GRID2: variants seen among roughly 807,000 people sequenced by gnomAD.
The protein encoded by GRID2 is glutamate receptor ionotropic, delta-2.
A neutral mutation model predicts 114.8 loss-of-function variants in GRID2; 33 were observed. The observed-to-expected ratio is 0.29, with a 90% CI of 0.22 to 0.38. The LOEUF (loss-of-function observed/expected upper bound fraction) is 0.38. GRID2 is among the 10% of genes least tolerant of loss of function. The pLI is 1.00. For synonymous variants in GRID2, 505 were observed against 449.9 expected (o/e 1.12, Z -1.55); for missense variants, 1,184 against 1,257.7 (o/e 0.94, Z 0.89).
intron 13 of GRID2, among the ~76,000 whole-genome samples, chr4:93,617,446 C>T (rs1741790903): frequency 6.6e-6 from 1 of 152,196 alleles, no homozygotes; most frequent in African/African-American, 2.4e-5. Flanking sequence ...TGTGTTTTTA[C>T]ATCGTTTTCC....
At chr4:92,547,812 A>G (rs995199639) in intron 1 of GRID2, among the ~76,000 whole-genome samples, 3 of 152,310 alleles carry the variant, frequency 2.0e-5, no homozygotes, top group Non-Finnish European at 2.9e-5. Flanking sequence ...GGAAACCTCA[A>G]TGGAAGCAAC....
chr4:93,312,002 A>G (rs1756070639), intron 8 of GRID2, among the ~76,000 whole-genome samples: 1 of 152,134 alleles, frequency 6.6e-6, no homozygotes. Flanking sequence ...GAGAAGTAAA[A>G]TTTTTAGGCA....
At chr4:93,428,892 T>G (rs1448518862) in intron 10 of GRID2, among the ~76,000 whole-genome samples, 1 of 152,190 alleles carries the variant, frequency 6.6e-6, no homozygotes, top group Non-Finnish European at 1.5e-5. Context: ...TATTGTGGGT[T>G]GATCACAAAG....
intron 2 of GRID2, among the ~76,000 whole-genome samples, chr4:92,719,144 G>A (rs552001935): frequency 6.6e-6 from 1 of 151,858 alleles, no homozygotes; most frequent in African/African-American, 2.4e-5. Context: ...CCACCACCAT[G>A]CCTAGCTAAT....
At chr4:93,555,007 C>T (rs921742586) in intron 13 of GRID2, among the ~76,000 whole-genome samples, 4 of 152,098 alleles carry the variant, frequency 2.6e-5, no homozygotes, top group Admixed American at 6.5e-5. Context: ...CACAAGAGAT[C>T]GGAGAACTCC....
chr4:92,407,150 A>G lies in GRID2; in HGVS notation c.88+102406A>G, dbSNP rs1395078312. ...CCATCATATCTCATGAGAACTCTCT[A>G]TCACGAGAACAGCATGGGGGAAACT... On this transcript the variant is annotated intron_variant, in intron 1 of 15. Transcript: ENST00000282020. Among the ~76,000 whole-genome samples the G allele has an allele frequency of 2.6e-5, 4 of 152,070 alleles. No individual in the cohort carries two copies. The East Asian group carries it at 7.7e-4, about 29-fold the overall frequency.
At chr4:93,727,566 A>C in intron 14 of GRID2, among the ~76,000 whole-genome samples, 1 of 152,200 alleles carries the variant, frequency 6.6e-6, no homozygotes, top group African/African-American at 2.4e-5. Context: ...GAGTGGTACC[A>C]GTTCCTCCTT....
At chr4:92,683,306 A>G (rs1209883553) in intron 2 of GRID2, among the ~76,000 whole-genome samples, 4 of 152,154 alleles carry the variant, frequency 2.6e-5, no homozygotes, top group Non-Finnish European at 2.9e-5. Context: ...ATCAGAAAAA[A>G]AAAATTGTAG....
intron 8 of GRID2, among the ~76,000 whole-genome samples, chr4:93,341,299 T>C (rs1434454709): frequency 6.6e-6 from 1 of 151,168 alleles, no homozygotes; most frequent in Non-Finnish European, 1.5e-5. Flanking sequence ...TAAACAATTG[T>C]AATTTGTAGC....
intron 14 of GRID2, among the ~76,000 whole-genome samples, chr4:93,709,845 TCTA>T (rs1728331302): frequency 6.6e-6 from 1 of 152,224 alleles, no homozygotes; most frequent in African/African-American, 2.4e-5. Context: ...CTTGATCAAT[TCTA>T]CTGTTAAGAG....
At chr4:93,457,330 G>A (rs187833310) in intron 11 of GRID2, among the ~76,000 whole-genome samples, 47 of 152,018 alleles carry the variant, frequency 3.1e-4, no homozygotes, top group Non-Finnish European at 4.9e-4. Flanking sequence ...GAGAAAAGGA[G>A]ACATAAACGG....
At chr4:92,550,180 T>C (rs924626646) in intron 1 of GRID2, among the ~76,000 whole-genome samples, 12 of 152,198 alleles carry the variant, frequency 7.9e-5, no homozygotes, top group Non-Finnish European at 7.4e-5. Flanking sequence ...CAGTACTTTG[T>C]GATTATAATG....
chr4:93,348,320 T>G (rs1760447919), intron 8 of GRID2, among the ~76,000 whole-genome samples: 1 of 152,174 alleles, frequency 6.6e-6, no homozygotes, highest in Non-Finnish European at 1.5e-5. Flanking sequence ...ATCCTAAGCA[T>G]TTTGCAAAAC....
At chr4:93,286,880 A>G (rs1753226722) in intron 8 of GRID2, among the ~76,000 whole-genome samples, 1 of 152,160 alleles carries the variant, frequency 6.6e-6, no homozygotes, top group Admixed American at 6.6e-5. Context: ...TTCTGAAATT[A>G]ATAATTAGGG....
chr4:93,396,276 C>G (rs1390982336), intron 9 of GRID2, among the ~76,000 whole-genome samples: 2 of 151,962 alleles, frequency 1.3e-5, no homozygotes, highest in African/African-American at 4.8e-5. Context: ...ATAATTCTGT[C>G]TTGATAGAAC....
chr4:93,659,867 A>T (rs1253966878), intron 14 of GRID2, among the ~76,000 whole-genome samples: 2 of 150,744 alleles, frequency 1.3e-5, no homozygotes, highest in Admixed American at 1.3e-4. Context: ...ACCCTTTTGT[A>T]TTATATCATT....
intron 2 of GRID2, among the ~76,000 whole-genome samples, chr4:92,661,286 T>C (rs1456954246): frequency 6.6e-6 from 1 of 150,996 alleles, no homozygotes; most frequent in Admixed American, 6.6e-5. Context: ...ACAAATAACA[T>C]TAAAAAGTCA....
chr4:92,714,441 T>C (rs1735430994), intron 2 of GRID2, among the ~76,000 whole-genome samples: 1 of 152,168 alleles, frequency 6.6e-6, no homozygotes, highest in African/African-American at 2.4e-5. Context: ...GTCTGGAGAA[T>C]GGTAGCCCTC....
intron 14 of GRID2, among the ~76,000 whole-genome samples, chr4:93,730,348 G>T (rs1338060936): frequency 1.3e-5 from 2 of 152,204 alleles, no homozygotes; most frequent in African/African-American, 4.8e-5. Context: ...GATTGTTTTA[G>T]TCACACTGAC....
Sources: allele counts gnomAD v4.1 joint callset (sites outside exome capture counted in the v4.1 genomes callset), GRCh38; gene constraint gnomAD v4.1.1; transcripts MANE v1.5; gene names NCBI Gene and HGNC (gene_info 2026-07-23, HGNC 2026-07-21).